Variants in ARID1B observed in about 807,000 individuals in gnomAD.
ARID1B encodes AT-rich interaction domain 1B.
A neutral mutation model predicts 212.3 loss-of-function variants in ARID1B; 30 were observed. The ratio of observed to expected loss-of-function variants is 0.14; its 90% confidence interval spans 0.11 to 0.19. The LOEUF is 0.19. ARID1B is among the 10% of genes least tolerant of loss of function. ARID1B has a pLI of 1.00. For synonymous variants in ARID1B, 1,402 were observed against 1,301.7 expected (o/e 1.08, Z -1.66); for missense variants, 2,891 against 3,204.0 (o/e 0.90, Z 2.36).
chr6:157,192,412 G>C (rs1381335989), intron 15 of ARID1B, among the ~76,000 whole-genome samples: 2 of 152,138 alleles, frequency 1.3e-5, no homozygotes, highest in Non-Finnish European at 2.9e-5. Flanking sequence ...GGGGTGGAAT[G>C]ATTCTGGGAT....
intron 7 of ARID1B, among the ~76,000 whole-genome samples, chr6:157,133,569 A>G (rs2128587179): frequency 6.6e-6 from 1 of 152,264 alleles, no homozygotes; most frequent in East Asian, 1.9e-4. Flanking sequence ...GTTGGGTTGG[A>G]TTCTGGTTTG....
At chr6:156,933,965 AAGCCATGTAATTTT>A (rs1791956686) in intron 3 of ARID1B, among the ~76,000 whole-genome samples, 1 of 152,232 alleles carries the variant, frequency 6.6e-6, no homozygotes, top group Admixed American at 6.5e-5. Context: ...CTGGCTTAAG[AAGCCATGTAATTTT>A]AAGTGTGCAA....
At chr6:157,146,193 C>G (rs982007219) in intron 7 of ARID1B, among the ~76,000 whole-genome samples, 4 of 152,182 alleles carry the variant, frequency 2.6e-5, no homozygotes, top group Non-Finnish European at 5.9e-5. Context: ...CCCTCTTCTG[C>G]CACAGTCCCC....
chr6:157,014,092 C>T (rs4377798), intron 4 of ARID1B, among the ~76,000 whole-genome samples: 68,234 of 152,030 alleles, frequency 0.45, 16,099 homozygotes, highest in East Asian at 0.66. Flanking sequence ...TAAAACGCAG[C>T]ATGTATTTTC....
chr6:157,074,418 T>C (rs1315533723), intron 4 of ARID1B, among the ~76,000 whole-genome samples: 1 of 151,844 alleles, frequency 6.6e-6, no homozygotes, highest in Non-Finnish European at 1.5e-5. Flanking sequence ...AGAGATGGGG[T>C]TTCACCATGT....
intron 2 of ARID1B, among the ~76,000 whole-genome samples, chr6:156,858,675 A>G (rs1014567595): frequency 7.9e-5 from 12 of 152,158 alleles, no homozygotes; most frequent in Non-Finnish European, 1.3e-4. Flanking sequence ...AGGCTGAGGC[A>G]GGAGAATCGC....
intron 19 of ARID1B, chr6:157,205,667 G>A (rs549167093): frequency 6.4e-6 from 1 of 155,108 alleles, no homozygotes; most frequent in South Asian, 2.0e-4. Flanking sequence ...GGTGACCTAT[G>A]GTACCTGAGA....
chr6:157,020,840 G>T (rs1780190983), intron 4 of ARID1B, among the ~76,000 whole-genome samples: 2 of 152,006 alleles, frequency 1.3e-5, no homozygotes, highest in East Asian at 3.9e-4. Context: ...GGTTTCTTTG[G>T]CTGATCTACT....
chr6:157,125,773 T>G (rs1280417105), intron 6 of ARID1B, among the ~76,000 whole-genome samples: 1 of 152,214 alleles, frequency 6.6e-6, no homozygotes, highest in African/African-American at 2.4e-5. Context: ...AGATGTTGCC[T>G]GTGCTTGGCT....
At chr6:156,804,452 A>G (rs1450555411) in intron 1 of ARID1B, among the ~76,000 whole-genome samples, 1 of 152,146 alleles carries the variant, frequency 6.6e-6, no homozygotes, top group Non-Finnish European at 1.5e-5. Context: ...TGCTATCAAG[A>G]TATACCTGAG....
chr6:156,871,047 A>G (rs551266930), intron 2 of ARID1B, among the ~76,000 whole-genome samples: 5 of 152,320 alleles, frequency 3.3e-5, no homozygotes, highest in African/African-American at 7.2e-5. Flanking sequence ...TATTTATGTC[A>G]GTAAGTTCCG....
intron 8 of ARID1B, chr6:157,150,212 C>T (rs1255635422): frequency 6.6e-6 from 1 of 152,174 alleles, no homozygotes; most frequent in East Asian, 1.9e-4. Context: ...ATTTGGCACG[C>T]AGCCTTTGGA....
At chr6:156,833,949 A>C (rs1245771016) in intron 2 of ARID1B, among the ~76,000 whole-genome samples, 1 of 152,256 alleles carries the variant, frequency 6.6e-6, no homozygotes, top group African/African-American at 2.4e-5. Context: ...AAAAGGAGAC[A>C]AACATTACAA....
At chr6:156,834,325 A>T (rs1035827286) in intron 2 of ARID1B, among the ~76,000 whole-genome samples, 2 of 152,198 alleles carry the variant, frequency 1.3e-5, no homozygotes, top group African/African-American at 4.8e-5. Context: ...AGGATGAGAA[A>T]GGATAGATAA....
At chr6:156,986,620 A>G (rs965896724) in intron 4 of ARID1B, among the ~76,000 whole-genome samples, 1 of 152,184 alleles carries the variant, frequency 6.6e-6, no homozygotes, top group Non-Finnish European at 1.5e-5. Flanking sequence ...ATGTGCTTAG[A>G]GCATTGCCCG....
At chr6:156,783,026 T>C (rs9384503) in intron 1 of ARID1B, among the ~76,000 whole-genome samples, 35,109 of 151,634 alleles carry the variant, frequency 0.23, 4,288 homozygotes, top group Non-Finnish European at 0.28. Flanking sequence ...ATCACTTAGG[T>C]TTATGTTTAT....
intron 4 of ARID1B, among the ~76,000 whole-genome samples, chr6:156,998,826 C>T (rs1462189842): frequency 6.6e-6 from 1 of 152,180 alleles, no homozygotes; most frequent in African/African-American, 2.4e-5. Context: ...AATGGTAACT[C>T]CAAGCTGTAT....
intron 4 of ARID1B, among the ~76,000 whole-genome samples, chr6:157,012,269 G>A (rs905091488): frequency 6.6e-6 from 1 of 152,144 alleles, no homozygotes; most frequent in Non-Finnish European, 1.5e-5. Flanking sequence ...ATGATATAAC[G>A]TAATAATTGT....
intron 2 of ARID1B, among the ~76,000 whole-genome samples, chr6:156,846,368 T>C (rs1307429237): frequency 6.6e-6 from 1 of 151,560 alleles, no homozygotes; most frequent in Non-Finnish European, 1.5e-5. Context: ...GGTTTCACCA[T>C]GTTGGCCAGG....
Sources: gnomAD v4.1 joint callset for allele counts (sites outside exome capture counted in the v4.1 genomes callset) on GRCh38, gnomAD v4.1.1 for gene constraint, MANE v1.5 for transcripts, NCBI Gene and HGNC (gene_info 2026-07-23, HGNC 2026-07-21) for gene names.